Variants in LINGO2 observed in about 807,000 individuals in gnomAD.
LINGO2 encodes leucine rich repeat and Ig domain containing 2, also known as leucine-rich repeat and immunoglobulin-like domain-containing nogo receptor-interacting protein 2.
In LINGO2, 14 loss-of-function variants were observed where a neutral mutation model predicts 30.6. That is an observed-to-expected ratio of 0.46 (90% confidence interval 0.30 to 0.72). The LOEUF (loss-of-function observed/expected upper bound fraction) is 0.72, where lower values mean the gene tolerates loss of function less well. LINGO2 is among the 30% of genes least tolerant of loss of function. The probability of loss-of-function intolerance (pLI) is 0.07; values close to 1 mark genes in which losing one functional copy is unlikely to be tolerated. For missense variants in LINGO2, 729 were observed against 751.7 expected (o/e 0.97, Z 0.35); for synonymous variants, 317 against 288.5 (o/e 1.10, Z -1.00).
intron 4 of LINGO2, among the ~76,000 whole-genome samples, chr9:28,031,821 CAG>C (rs759741886): frequency 3.9e-5 from 6 of 152,212 alleles, no homozygotes; most frequent in Non-Finnish European, 7.3e-5. Flanking sequence ...CAGATCATTA[CAG>C]AGAGATATTA....
intron 2 of LINGO2, among the ~76,000 whole-genome samples, chr9:28,434,584 C>T (rs536387561): frequency 6.9e-4 from 104 of 151,492 alleles, no homozygotes; most frequent in Middle Eastern, 3.5e-3. Flanking sequence ...CATTTTTATC[C>T]TTCCTGTAAT....
chr9:28,248,442 C>G (rs1822079838), intron 4 of LINGO2, among the ~76,000 whole-genome samples: 1 of 152,064 alleles, frequency 6.6e-6, no homozygotes, highest in South Asian at 2.1e-4. Context: ...AAGAGAGAAA[C>G]AGTGGTCACC....
the LINGO2 span, among the ~76,000 whole-genome samples, chr9:29,106,699 A>C: frequency 9.9e-5 from 15 of 152,284 alleles, no homozygotes; most frequent in African/African-American, 3.6e-4. Context: ...TTGTATTAAT[A>C]ACTATTAATT....
chr9:28,256,670 C>T (rs1268881122), intron 4 of LINGO2, among the ~76,000 whole-genome samples: 1 of 151,776 alleles, frequency 6.6e-6, no homozygotes, highest in East Asian at 1.9e-4. Context: ...ACAGAGGGTA[C>T]AAGCAGCAAA....
chr9:28,731,588 G>A, the LINGO2 span, among the ~76,000 whole-genome samples: 1 of 152,094 alleles, frequency 6.6e-6, no homozygotes, highest in Non-Finnish European at 1.5e-5. Flanking sequence ...AGGGATACTT[G>A]GGAACATTTG....
intron 1 of LINGO2, among the ~76,000 whole-genome samples, chr9:28,560,894 C>T (rs1223781882): frequency 4.6e-5 from 7 of 151,960 alleles, no homozygotes; most frequent in African/African-American, 1.2e-4. Context: ...AGGCTGGTCT[C>T]GAACTCCTGA....
chr9:29,185,729 C>G, the LINGO2 span, among the ~76,000 whole-genome samples: 9 of 152,170 alleles, frequency 5.9e-5, no homozygotes, highest in Non-Finnish European at 1.2e-4. Flanking sequence ...CTTCAGTCTT[C>G]TCTCTCCATG....
intron 2 of LINGO2, among the ~76,000 whole-genome samples, chr9:28,474,390 A>G (rs1825646755): frequency 8.3e-6 from 1 of 120,466 alleles, no homozygotes; most frequent in South Asian, 3.4e-4. Context: ...CAAAGAATAA[A>G]AAAAGAAAAA....
Position 28,048,693 on chromosome 9 carries a change from G to A in LINGO2, c.-86-36288C>T, listed in dbSNP as rs1824533596. ...GAACACTTATCTACGATGCCAAAAG[G>A]CTGAAAATAGCATAAATGTCCAAGA... is the stretch of plus-strand genomic sequence containing the variant. On this transcript the variant is annotated intron_variant, in intron 4 of 5. Transcript: ENST00000379992. 2.7e-5 allele frequency among the ~76,000 whole-genome samples: 4 copies of A among 150,708 alleles called. No individual in the cohort carries two copies. The South Asian group carries it at 8.5e-4, about 32-fold the overall frequency.
the LINGO2 span, among the ~76,000 whole-genome samples, chr9:28,680,842 G>A: frequency 6.6e-6 from 1 of 151,936 alleles, no homozygotes; most frequent in Non-Finnish European, 1.5e-5. Context: ...ATTGAGTTTT[G>A]TGAATTCTTT....
intron 4 of LINGO2, among the ~76,000 whole-genome samples, chr9:28,086,078 T>C (rs1169588328): frequency 6.6e-6 from 1 of 152,042 alleles, no homozygotes; most frequent in African/African-American, 2.4e-5. Flanking sequence ...GAAGGACATA[T>C]CCCATATGCA....
intron 1 of LINGO2, among the ~76,000 whole-genome samples, chr9:28,513,128 T>C (rs1364441360): frequency 3.6e-5 from 5 of 137,666 alleles, no homozygotes; most frequent in East Asian, 2.2e-4. Context: ...CACACACACT[T>C]AGAAAATATT....
chr9:28,196,006 A>G (rs1819997183), intron 4 of LINGO2, among the ~76,000 whole-genome samples: 1 of 151,744 alleles, frequency 6.6e-6, no homozygotes, highest in Non-Finnish European at 1.5e-5. Flanking sequence ...ATATATTTAT[A>G]TAATCAACTA....
the LINGO2 span, among the ~76,000 whole-genome samples, chr9:28,925,063 A>C: frequency 2.6e-5 from 4 of 152,218 alleles, no homozygotes; most frequent in African/African-American, 9.6e-5. Flanking sequence ...TGAATCAATG[A>C]ATTTGTTAAT....
chr9:28,171,057 A>C (rs767234407), intron 4 of LINGO2, among the ~76,000 whole-genome samples: 22 of 152,352 alleles, frequency 1.4e-4, no homozygotes, highest in Middle Eastern at 3.4e-3. Context: ...TAGATATTCA[A>C]TGTAAGTTCG....
chr9:29,051,599 T>C, the LINGO2 span, among the ~76,000 whole-genome samples: 2 of 152,184 alleles, frequency 1.3e-5, no homozygotes, highest in East Asian at 3.9e-4. Context: ...GGGACATCAT[T>C]AATCTCATAT....
intron 1 of LINGO2, among the ~76,000 whole-genome samples, chr9:28,541,545 T>A (rs1260245929): frequency 6.6e-6 from 1 of 152,196 alleles, no homozygotes; most frequent in Non-Finnish European, 1.5e-5. Context: ...TTCCGATGTG[T>A]GGCTTTCTAG....
At chr9:28,072,130 A>G (rs78595989) in intron 4 of LINGO2, among the ~76,000 whole-genome samples, 1,597 of 149,588 alleles carry the variant, frequency 0.011, 36 homozygotes, top group African/African-American at 0.039. Context: ...AATAAAGAAT[A>G]CTGACTCCTA....
intron 3 of LINGO2, among the ~76,000 whole-genome samples, chr9:28,365,059 A>G (rs1272544624): frequency 6.6e-6 from 1 of 152,242 alleles, no homozygotes; most frequent in Non-Finnish European, 1.5e-5. Flanking sequence ...TATAATAGAC[A>G]TATGAGCAAA....
Sources: gnomAD v4.1 joint callset for allele counts (sites outside exome capture counted in the v4.1 genomes callset) on GRCh38, gnomAD v4.1.1 for gene constraint, MANE v1.5 for transcripts, NCBI Gene and HGNC (gene_info 2026-07-23, HGNC 2026-07-21) for gene names.